The following RNLS variants were observed in gnomAD, a reference collection of about 807,000 sequenced individuals.
RNLS encodes renalase.
Under a neutral mutation model 39.8 loss-of-function variants are expected in RNLS, and 39 were observed. The ratio of observed to expected loss-of-function variants is 0.98; its 90% CI spans 0.76 to 1.28. The LOEUF (loss-of-function observed/expected upper bound fraction) is 1.28. Ranked by LOEUF, RNLS falls within the 50% of genes most tolerant of loss-of-function variation. The probability of loss-of-function intolerance (pLI) is 0.00; values close to 1 mark genes in which losing one functional copy is unlikely to be tolerated. For synonymous variants in RNLS, 147 were observed against 150.7 expected, an observed-to-expected ratio of 0.98 and a Z score of 0.18; for missense variants, 410 against 413.3, an observed-to-expected ratio of 0.99 and a Z score of 0.07.
chr10:88,305,843 C>G (rs995854453), intron 6 of RNLS, among the ~76,000 whole-genome samples: 1 of 152,200 alleles, frequency 6.6e-6, no homozygotes, highest in Non-Finnish European at 1.5e-5. Context: ...TAGATATCTA[C>G]AGAACTGTCC....
rs762756164 is a variant in RNLS, at chr10:88,514,121, T to TAAA, written c.526+58779_526+58781dup. ...CAACTGCCCGAGACTGGGTAATTTA[T>TAAA]AAAAAAAAAAAAAAAGGTTTAATTG... On this transcript the variant is annotated intron_variant, in intron 4 of 6. Transcript: ENST00000331772. Among the ~76,000 whole-genome samples, 3 of 120,382 alleles carry TAAA rather than the reference T, an allele frequency of 2.5e-5. No individual in the cohort carries two copies. In the Admixed American group the frequency reaches 2.5e-4, roughly 10 times the overall value. 79.0% of individuals were successfully genotyped at this position (120,382 alleles called of 152,430 possible).
intron 4 of RNLS, among the ~76,000 whole-genome samples, chr10:88,450,233 GGGCTGCC>G (rs982093746): frequency 1.4e-4 from 22 of 152,288 alleles, no homozygotes; most frequent in African/African-American, 5.1e-4. Flanking sequence ...ACATGAGCAT[GGGCTGCC>G]TGCTCTCTGT....
the RNLS span, among the ~76,000 whole-genome samples, chr10:88,177,839 G>A: frequency 6.6e-6 from 1 of 152,186 alleles, no homozygotes; most frequent in South Asian, 2.1e-4. Context: ...TTATTTGACT[G>A]CAACTGCCTC....
chr10:88,523,606 G>T (rs1383631620), intron 4 of RNLS, among the ~76,000 whole-genome samples: 1 of 152,072 alleles, frequency 6.6e-6, no homozygotes, highest in Non-Finnish European at 1.5e-5. Flanking sequence ...CAAAACAAAA[G>T]ATGATTCTCT....
chr10:88,179,196 G>A, the RNLS span, among the ~76,000 whole-genome samples: 1 of 152,188 alleles, frequency 6.6e-6, no homozygotes, highest in Admixed American at 6.5e-5. Context: ...CAGATTGAGG[G>A]TGGTGGTGTA....
At chr10:88,451,735 C>T (rs1371477211) in intron 4 of RNLS, among the ~76,000 whole-genome samples, 1 of 152,164 alleles carries the variant, frequency 6.6e-6, no homozygotes, top group Non-Finnish European at 1.5e-5. Flanking sequence ...CACCCATCAA[C>T]CCTCAATATA....
chr10:88,284,074 T>C, downstream of RNLS: 3 of 922,916 alleles, frequency 3.3e-6, no homozygotes, highest in South Asian at 1.5e-4. Flanking sequence ...CTCCCTCTGC[T>C]TTCAAAATAA....
intron 4 of RNLS, among the ~76,000 whole-genome samples, chr10:88,426,667 C>G (rs1407400871): frequency 6.6e-6 from 1 of 152,060 alleles, no homozygotes; most frequent in Admixed American, 6.6e-5. Flanking sequence ...TCAGTTACCA[C>G]AACAACCCCA....
chr10:88,275,776 T>G (rs559910550), intron 6 of RNLS, among the ~76,000 whole-genome samples: 1 of 152,268 alleles, frequency 6.6e-6, no homozygotes, highest in East Asian at 1.9e-4. Context: ...ACATGTAAGT[T>G]GGGCACAATG....
intron 4 of RNLS, among the ~76,000 whole-genome samples, chr10:88,374,229 C>T (rs1462437946): frequency 6.6e-6 from 1 of 152,042 alleles, no homozygotes; most frequent in Non-Finnish European, 1.5e-5. Context: ...TGTCCTGGCT[C>T]ATCTCTGGAA....
chr10:88,299,328 T>G (rs1414749338), intron 6 of RNLS, among the ~76,000 whole-genome samples: 1 of 152,136 alleles, frequency 6.6e-6, no homozygotes. Context: ...CTGTGTTCTA[T>G]CTAAGAAATG....
intron 4 of RNLS, among the ~76,000 whole-genome samples, chr10:88,468,895 C>T (rs999621306): frequency 3.3e-5 from 5 of 152,018 alleles, no homozygotes; most frequent in African/African-American, 1.2e-4. Flanking sequence ...TTTAACATAG[C>T]ATAAACTGGG....
At chr10:88,245,332 T>C in the RNLS span, among the ~76,000 whole-genome samples, 69 of 152,326 alleles carry the variant, frequency 4.5e-4, no homozygotes, top group African/African-American at 1.6e-3. Context: ...GGTCTTGGGC[T>C]TACGTTATTA....
chr10:88,310,654 C>T (rs542592567), intron 6 of RNLS, among the ~76,000 whole-genome samples: 1 of 151,224 alleles, frequency 6.6e-6, no homozygotes, highest in South Asian at 2.1e-4. Flanking sequence ...TAACCGGGAA[C>T]AGTAGTGTGC....
At chr10:88,396,036 C>CA (rs1298667551) in intron 4 of RNLS, among the ~76,000 whole-genome samples, 2 of 151,814 alleles carry the variant, frequency 1.3e-5, no homozygotes, top group Non-Finnish European at 2.9e-5. Flanking sequence ...TTCAAATAAG[C>CA]AAAAAAACTG....
At chr10:88,333,960 C>T (rs1847303586) in intron 5 of RNLS, among the ~76,000 whole-genome samples, 2 of 152,134 alleles carry the variant, frequency 1.3e-5, no homozygotes, top group African/African-American at 4.8e-5. Context: ...TTCCCAGTCT[C>T]CAGAGCTGTG....
chr10:88,465,155 T>C (rs1039306058), intron 4 of RNLS, among the ~76,000 whole-genome samples: 16 of 152,226 alleles, frequency 1.1e-4, no homozygotes, highest in African/African-American at 3.4e-4. Flanking sequence ...ACTCCTATTA[T>C]TGCTACTAGT....
At position 88,581,680 on chromosome 10, in the gene RNLS, A is replaced by C. The variant is rs1850572577; in HGVS notation, c.254T>G (p.Val85Gly). ...RFYDELLAYGVLRPLSSPIEG... is the reference protein window; with the variant it reads ...RFYDELLAYGGLRPLSSPIEG... ...AATAGGCGAGCTTAGAGGCCTCAAA[A>C]CGCCATAGGCTAACAGTTCATCATA... Residue 85 changes from valine to glycine, a missense_variant, in exon 3 of 7, where the codon GTT (valine) becomes GGT (glycine). Transcript: ENST00000331772. 1 of 1,593,970 alleles carries C rather than the reference A, an allele frequency of 6.3e-7. No individual in the cohort carries two copies. The highest frequency in any genetic ancestry group is 2.3e-5 in the East Asian group (1 of 43,716).
chr10:88,435,943 G>T (rs1030522766), intron 4 of RNLS, among the ~76,000 whole-genome samples: 1 of 151,980 alleles, frequency 6.6e-6, no homozygotes, highest in African/African-American at 2.4e-5. Context: ...TAAAATGAAA[G>T]GGTATCAATG....
Sources: gnomAD v4.1 joint callset for allele counts (sites outside exome capture counted in the v4.1 genomes callset) on GRCh38, gnomAD v4.1.1 for gene constraint, MANE v1.5 for transcripts, NCBI Gene and HGNC (gene_info 2026-07-23, HGNC 2026-07-21) for gene names.